OR1J2: variants seen among roughly 807,000 people sequenced by gnomAD.
OR1J2 encodes olfactory receptor family 1 subfamily J member 2.
For missense variants in OR1J2, 304 were observed against 246.1 expected (o/e 1.24, Z -1.57); for synonymous variants, 142 against 99.7 (o/e 1.42, Z -2.52).
upstream of OR1J2, among the ~76,000 whole-genome samples, chr9:122,505,818 CT>C (rs1252432711): frequency 6.0e-5 from 9 of 149,450 alleles, no homozygotes; most frequent in East Asian, 1.8e-3. Context: ...TTTTTTTTTT[CT>C]ATTTGCAAGT....
chr9:122,496,828 G>C, the OR1J2 span, among the ~76,000 whole-genome samples: 1 of 152,270 alleles, frequency 6.6e-6, no homozygotes, highest in South Asian at 2.1e-4. Flanking sequence ...AGTGAGCAGA[G>C]GGGTGACTTT....
chr9:122,560,843 C>A, the OR1J2 span, among the ~76,000 whole-genome samples: 1 of 152,054 alleles, frequency 6.6e-6, no homozygotes, highest in Non-Finnish European at 1.5e-5. Context: ...TAGTGGAGTT[C>A]TCTGTATTTC....
the OR1J2 span, chr9:122,471,365 C>T: frequency 6.6e-6 from 1 of 152,188 alleles, no homozygotes; most frequent in Non-Finnish European, 1.5e-5. Flanking sequence ...ATAAGAAATG[C>T]CTTTTACCTC....
At chr9:122,462,365 C>G in the OR1J2 span, among the ~76,000 whole-genome samples, 2 of 152,148 alleles carry the variant, frequency 1.3e-5, no homozygotes, top group African/African-American at 4.8e-5. Context: ...GAATTCCTAT[C>G]CGTTCTGCCA....
At chr9:122,500,197 GT>G in the OR1J2 span, among the ~76,000 whole-genome samples, 6 of 152,284 alleles carry the variant, frequency 3.9e-5, no homozygotes, top group African/African-American at 1.4e-4. Context: ...AATGTCTGCA[GT>G]TTTTTTGGTG....
the OR1J2 span, among the ~76,000 whole-genome samples, chr9:122,565,629 A>T: frequency 4.6e-5 from 7 of 152,256 alleles, no homozygotes; most frequent in Non-Finnish European, 8.8e-5. Flanking sequence ...TGATTACATT[A>T]GTCTGCTTCT....
the OR1J2 span, among the ~76,000 whole-genome samples, chr9:122,571,374 A>T: frequency 6.6e-6 from 1 of 151,970 alleles, no homozygotes; most frequent in Non-Finnish European, 1.5e-5. Context: ...ACACGGTTAA[A>T]TCCTGTCTCT....
downstream of OR1J2, among the ~76,000 whole-genome samples, chr9:122,514,476 C>T (rs1366234265): frequency 2.0e-5 from 3 of 152,122 alleles, no homozygotes; most frequent in Non-Finnish European, 4.4e-5. Context: ...TTGATGCCTT[C>T]GTAGTATTCC....
At chr9:122,541,870 C>T in the OR1J2 span, among the ~76,000 whole-genome samples, 2 of 152,164 alleles carry the variant, frequency 1.3e-5, no homozygotes, top group Non-Finnish European at 2.9e-5. Flanking sequence ...CAGCAAAGTC[C>T]ATGAATCTGA....
chr9:122,527,262 A>G, the OR1J2 span: 1 of 1,611,302 alleles, frequency 6.2e-7, no homozygotes, highest in Non-Finnish European at 8.5e-7. Flanking sequence ...TCCTCGGAGG[A>G]AAAATTCAGA....
chr9:122,519,759 A>G, the OR1J2 span: 1 of 1,614,124 alleles, frequency 6.2e-7, no homozygotes, highest in African/African-American at 1.3e-5. Context: ...ACAGGCAGTC[A>G]TTACTCTACC....
At chr9:122,479,668 G>A in the OR1J2 span, among the ~76,000 whole-genome samples, 3 of 152,152 alleles carry the variant, frequency 2.0e-5, 1 homozygote, top group South Asian at 2.1e-4. Context: ...CCAGAAGGAC[G>A]AGACAATTTC....
chr9:122,469,524 T>A, the OR1J2 span, among the ~76,000 whole-genome samples: 7 of 152,176 alleles, frequency 4.6e-5, no homozygotes, highest in African/African-American at 1.7e-4. Context: ...GTTTATCAGC[T>A]GCATGAAAAT....
chr9:122,476,700 A>AC, the OR1J2 span, among the ~76,000 whole-genome samples: 1 of 151,436 alleles, frequency 6.6e-6, no homozygotes, highest in African/African-American at 2.4e-5. Context: ...TTACTCAATA[A>AC]TTTTTTTTTC....
At chr9:122,469,732 T>TATTGTTA in the OR1J2 span, among the ~76,000 whole-genome samples, 3 of 152,216 alleles carry the variant, frequency 2.0e-5, no homozygotes, top group African/African-American at 7.2e-5. Flanking sequence ...TTGTTAATGA[T>TATTGTTA]ATGGACAATG....
At chr9:122,580,010 G>C in the OR1J2 span, among the ~76,000 whole-genome samples, 12 of 152,126 alleles carry the variant, frequency 7.9e-5, no homozygotes, top group Admixed American at 6.5e-4. Context: ...GCTTATCGGT[G>C]CAACTGCAGC....
At chr9:122,452,873 A>G in the OR1J2 span, among the ~76,000 whole-genome samples, 1 of 152,068 alleles carries the variant, frequency 6.6e-6, no homozygotes, top group Non-Finnish European at 1.5e-5. Flanking sequence ...TACTAAAAAT[A>G]CAAAATTAGC....
At chr9:122,448,183 G>T in the OR1J2 span, among the ~76,000 whole-genome samples, 1 of 152,272 alleles carries the variant, frequency 6.6e-6, no homozygotes, top group South Asian at 2.1e-4. Context: ...AGGTCACCAA[G>T]AAAACATATG....
At chr9:122,562,040 T>A in the OR1J2 span, among the ~76,000 whole-genome samples, 1 of 151,660 alleles carries the variant, frequency 6.6e-6, no homozygotes, top group East Asian at 1.9e-4. Flanking sequence ...CTGGCGGGAG[T>A]TGTTGGAGTT....
Sources: allele counts gnomAD v4.1 joint callset (sites outside exome capture counted in the v4.1 genomes callset), GRCh38; gene constraint gnomAD v4.1.1; transcripts MANE v1.5; gene names NCBI Gene and HGNC (gene_info 2026-07-23, HGNC 2026-07-21).